SPN: variants seen among roughly 807,000 people sequenced by gnomAD.
SPN encodes the protein sialophorin.
In SPN, 6 loss-of-function variants were observed where a neutral mutation model predicts 8.4. The observed-to-expected ratio is 0.72, with a 90% confidence interval of 0.39 to 1.42. SPN has a LOEUF of 1.42. Among genes scored for constraint, SPN ranks in the 40% most tolerant of loss-of-function variants. The pLI is 0.02. For missense variants in SPN, 517 were observed against 530.6 expected, an observed-to-expected ratio of 0.97 and a Z score of 0.25; for synonymous variants, 201 against 222.6, an observed-to-expected ratio of 0.90 and a Z score of 0.86.
rs1027455041 is a variant in SPN, at chr16:29,664,522, T to C, written c.794T>C (p.Leu265Pro). The C allele has an allele frequency of 1.1e-5, 17 of 1,614,004 alleles. No individual in the cohort carries two copies. Among genetic ancestry groups the C allele is most frequent in the Admixed American group, 1.7e-5 (1 of 60,008 alleles). Residue 265 changes from leucine to proline, a missense_variant, in exon 2 of 2, where the codon CTG (leucine) becomes CCG (proline). Leu to Pro is a moderately conservative substitution (Grantham distance 98). Coordinates refer to ENST00000652691, the MANE Select transcript of SPN (RefSeq NM_003123.6). This position sits in a 1 kb window ranked among gnomAD's most constrained non-coding sequence, Gnocchi z 6.4. ...MLPVAVLVALLAVIVLVALLL... is the reference protein window; with the variant it reads ...MLPVAVLVALPAVIVLVALLL... ...CCAGTGGCTGTGCTTGTGGCCCTGC[T>C]GGCGGTCATAGTCCTCGTGGCTCTG...
rs1411992889 is a variant in SPN, at chr16:29,664,733, G to T, written c.1005G>T (p.Gly335=). 3 of 1,481,540 alleles carry T rather than the reference G, an allele frequency of 2.0e-6. No homozygotes were observed. Among genetic ancestry groups the T allele is most frequent in the Middle Eastern group, 1.8e-4 (1 of 5,562 alleles). The allele number at this position is 1,481,540 out of a possible 1,614,324, so 91.8% of individuals were successfully genotyped here. The stretch of plus-strand genomic sequence containing the variant: ...GCTCTGGGTTCCCCGATGGGGAGGG[G>T]TCTAGCCGTCGGCCCACGCTCACCA... The part of the protein sequence containing the change: ...DKGSGFPDGE[G]SSRRPTLTTF... The change falls in exon 2 of 2, where the codon GGG becomes GGT. Residue 335 remains glycine, a synonymous_variant. Transcript: ENST00000652691. The surrounding 1 kb of genome is among the most constrained non-coding windows in gnomAD (Gnocchi z 6.4).
rs1377501538 is a variant in SPN at position 29,665,743 on chromosome 16, G to A, written c.*812G>A. ...TTGCCCTGTAGCTGCAAGGGCTGTG[G>A]AACCTGGGCAGCCCGCAACCACCTT... On this transcript the variant is annotated 3_prime_UTR_variant, in exon 2 of 2. Transcript: ENST00000652691. 2 of 167,078 alleles carry A rather than the reference G, an allele frequency of 1.2e-5. No homozygotes were observed. Among genetic ancestry groups the A allele is most frequent in the East Asian group, 1.9e-4 (1 of 5,186 alleles). The allele number at this position is 167,078 out of a possible 1,614,324, so 10.3% of individuals were successfully genotyped here.
At position 29,663,678 on chromosome 16, in the gene SPN, C is replaced by T. The variant is rs141798539; in HGVS notation, c.-34-17C>T. On this transcript the variant is annotated splice_polypyrimidine_tract_variant and intron_variant, in intron 1 of 1. Coordinates refer to ENST00000652691, the MANE Select transcript of SPN (RefSeq NM_003123.6). The surrounding 1 kb of genome is among the most constrained non-coding windows in gnomAD (Gnocchi z 4.3). ...GCAACTCCCGCGTGTTCTGCTTCTC[C>T]GGCTGCCCACCTGCAGGTCCCAGCT... 3.1e-4 allele frequency: 464 copies of T among 1,516,760 alleles called. 4 individuals carry two copies. In the East Asian group the frequency reaches 8.9e-3, roughly 29 times the overall value. The allele number at this position is 1,516,760 out of a possible 1,614,324, so 94.0% of individuals were successfully genotyped here. A position where few individuals can be genotyped will look rare whatever the true frequency, so the allele number is the denominator to read the frequency against.
chr16:29,668,485 G>A lies in SPN; in HGVS notation c.*3554G>A, dbSNP rs1966840105. The A allele has an allele frequency of 6.6e-6, 1 of 152,204 alleles. No homozygotes were observed. Among genetic ancestry groups the A allele is most frequent in the Non-Finnish European group, 1.5e-5 (1 of 68,036 alleles). 9.4% of individuals were successfully genotyped at this position (152,204 alleles called of 1,614,324 possible). On this transcript the variant is annotated 3_prime_UTR_variant, in exon 2 of 2. Coordinates refer to ENST00000652691, the MANE Select transcript of SPN (RefSeq NM_003123.6). ...CCTCAGAGATTCTTTCTTTTGAGAT[G>A]AGGTCTCATTCTGTCACCCAGACTA...
rs969840035 is a variant in SPN at position 29,667,168 on chromosome 16, G to C, written c.*2237G>C. ...GGCACCCACTGGGCTGCATCTGGTG[G>C]CCTTTTCTGATTGCTATTTGGACTC... On this transcript the variant is annotated 3_prime_UTR_variant, in exon 2 of 2. Coordinates refer to ENST00000652691, the MANE Select transcript of SPN (RefSeq NM_003123.6). The C allele has an allele frequency of 5.2e-6, 2 of 385,530 alleles. No individual in the cohort carries two copies. Among genetic ancestry groups the C allele is most frequent in the Non-Finnish European group, 1.1e-5 (2 of 185,416 alleles). 23.9% of individuals were successfully genotyped at this position (385,530 alleles called of 1,614,324 possible). A position where few individuals can be genotyped will look rare whatever the true frequency, so the allele number is the denominator to read the frequency against.
Position 29,663,887 on chromosome 16 carries a change from T to G in SPN, c.159T>G (p.Pro53=). 6.2e-7 allele frequency: 1 copy of G among 1,614,084 alleles called. No individual in the cohort carries two copies. Among genetic ancestry groups the G allele is most frequent in the Non-Finnish European group, 8.5e-7 (1 of 1,180,002 alleles). Residue 53 remains proline (P), a synonymous_variant, in exon 2 of 2, where the codon CCT becomes CCG. Coordinates refer to ENST00000652691, the MANE Select transcript of SPN (RefSeq NM_003123.6). The surrounding 1 kb of genome is among the most constrained non-coding windows in gnomAD (Gnocchi z 4.3). ...KMYTTSITSD[P]KADSTGDQTS... ...ACACCACTTCAATAACAAGTGACCC[T>G]AAGGCCGACAGCACTGGGGACCAGA...
At position 29,667,315 on chromosome 16, in the gene SPN, G is replaced by A. The variant is rs1339997880; in HGVS notation, c.*2384G>A. ...AAAATACTGTCACCGAACGAACGTC[G>A]CTGTCCTCAGCTCCACCTCCCTTTC... On this transcript the variant is annotated 3_prime_UTR_variant, in exon 2 of 2. Transcript: ENST00000652691. 3.1e-5 allele frequency: 8 copies of A among 257,676 alleles called. No individual in the cohort carries two copies. The highest frequency in any genetic ancestry group is 4.7e-5 in the South Asian group (1 of 21,222). 16.0% of individuals were successfully genotyped at this position (257,676 alleles called of 1,614,324 possible).
Position 29,664,936 on chromosome 16 carries a change from C to A in SPN, c.*5C>A. The A allele has an allele frequency of 2.2e-6, 3 of 1,373,152 alleles. No individual in the cohort carries two copies. The highest frequency in any genetic ancestry group is 2.8e-6 in the Non-Finnish European group (3 of 1,058,088). 85.1% of individuals were successfully genotyped at this position (1,373,152 alleles called of 1,614,324 possible). A position where few individuals can be genotyped will look rare whatever the true frequency, so the allele number is the denominator to read the frequency against. ...GGAGACGGGGCTGCCCCTTAAGTGT[C>A]GGTGAATAGTGAGGCTGGAGGCCGG... is the stretch of plus-strand genomic sequence containing the variant. On this transcript the variant is annotated 3_prime_UTR_variant, in exon 2 of 2. Coordinates refer to ENST00000652691, the MANE Select transcript of SPN (RefSeq NM_003123.6). This position sits in a 1 kb window ranked among gnomAD's most constrained non-coding sequence, Gnocchi z 6.4.
At position 29,667,306 on chromosome 16, in the gene SPN, A is replaced by T. The variant is rs1356465255; in HGVS notation, c.*2375A>T. 1 of 265,268 alleles carries T rather than the reference A, an allele frequency of 3.8e-6. No homozygotes were observed. Among genetic ancestry groups the T allele is most frequent in the African/African-American group, 2.2e-5 (1 of 45,376 alleles). 16.4% of individuals were successfully genotyped at this position (265,268 alleles called of 1,614,324 possible). ...CAGGTTTAGAAAATACTGTCACCGA[A>T]CGAACGTCGCTGTCCTCAGCTCCAC... On this transcript the variant is annotated 3_prime_UTR_variant, in exon 2 of 2. Coordinates refer to ENST00000652691, the MANE Select transcript of SPN (RefSeq NM_003123.6).
In SPN at chr16:29,670,248, C is replaced by T. The variant is rs576842705; in HGVS notation, c.*5317C>T. ...GTGGCTCACACCTGTAATCCCAGCA[C>T]TTTGGGAGGCCGAGGCAGTCAGATC... On this transcript the variant is annotated 3_prime_UTR_variant, in exon 2 of 2. Transcript: ENST00000652691. 1.5e-4 allele frequency: 23 copies of T among 153,416 alleles called. No individual in the cohort carries two copies. The highest frequency in any genetic ancestry group is 2.9e-4 in the Non-Finnish European group (20 of 69,366). 9.5% of individuals were successfully genotyped at this position (153,416 alleles called of 1,614,324 possible).
rs1966781808 is a variant in SPN at position 29,664,573 on chromosome 16, A to AGCTTTCT, written c.847_848insTTTCTGC (p.Arg283LeufsTer17). 6.2e-7 allele frequency: 1 copy of AGCTTTCT among 1,612,668 alleles called. No individual in the cohort carries two copies. Among genetic ancestry groups the AGCTTTCT allele is most frequent in the African/African-American group, 1.3e-5 (1 of 74,896 alleles). On this transcript the variant is annotated frameshift_variant, in exon 2 of 2. Transcript: ENST00000652691. LOFTEE classifies it high-confidence loss of function. The surrounding 1 kb of genome is among the most constrained non-coding windows in gnomAD (Gnocchi z 6.4). Reference sequence around the variant, plus strand: ...CTCCTGCTGTGGCGCCGGCGGCAGAAGCGGCGGACTGGGGCCCTCGTGCTG... The same window carrying AGCTTTCT: ...CTCCTGCTGTGGCGCCGGCGGCAGAAGCTTTCTGCGGCGGACTGGGGCCCTCGTGCTG...
In SPN at chr16:29,664,200, C is replaced by T. The variant is rs956933319; in HGVS notation, c.472C>T (p.Leu158=). The T allele has an allele frequency of 4.3e-6, 7 of 1,613,846 alleles. No individual in the cohort carries two copies. The highest frequency in any genetic ancestry group is 5.9e-6 in the Non-Finnish European group (7 of 1,179,992). The stretch of plus-strand genomic sequence containing the variant: ...CCCTGTTACCACGGCAGCTAGCTCT[C>T]TGGAGACCTCCAGAGGCACCTCTGG... ...GAPVTTAASS[L]ETSRGTSGPP... The change falls in exon 2 of 2, where the codon CTG becomes TTG. Residue 158 remains leucine (L), a synonymous_variant. Coordinates refer to ENST00000652691, the MANE Select transcript of SPN (RefSeq NM_003123.6). The surrounding 1 kb of genome is among the most constrained non-coding windows in gnomAD (Gnocchi z 6.4).
rs902415623 is a variant in SPN, at chr16:29,668,845, A to T, written c.*3914A>T. On this transcript the variant is annotated 3_prime_UTR_variant, in exon 2 of 2. Transcript: ENST00000652691. The stretch of plus-strand genomic sequence containing the variant: ...GGATAGCAGGTGGAAATACATAATT[A>T]AAAAAAAAAAACGTGGAGCAGATCC... The T allele has an allele frequency of 1.3e-5, 2 of 151,028 alleles. No homozygotes were observed. The highest frequency in any genetic ancestry group is 2.5e-5 in the African/African-American group (1 of 39,560). 9.4% of individuals were successfully genotyped at this position (151,028 alleles called of 1,614,324 possible).
rs886796388 is a variant in SPN at position 29,668,963 on chromosome 16, C to T, written c.*4032C>T. On this transcript the variant is annotated 3_prime_UTR_variant, in exon 2 of 2. Coordinates refer to ENST00000652691, the MANE Select transcript of SPN (RefSeq NM_003123.6). The stretch of plus-strand genomic sequence containing the variant: ...AGGAGTTCAAGACCAGCCTGGGTAA[C>T]ATAGAAAGACCCTGTCTCTACAAAA... The T allele has an allele frequency of 6.0e-6, 1 of 166,222 alleles. No individual in the cohort carries two copies. The highest frequency in any genetic ancestry group is 2.4e-5 in the African/African-American group (1 of 41,262). 10.3% of individuals were successfully genotyped at this position (166,222 alleles called of 1,614,324 possible). A position where few individuals can be genotyped will look rare whatever the true frequency, so the allele number is the denominator to read the frequency against.
rs1056940128 is a variant in SPN, at chr16:29,666,226, G to A, written c.*1295G>A. The A allele has an allele frequency of 2.4e-5, 4 of 166,582 alleles. No individual in the cohort carries two copies. The highest frequency in any genetic ancestry group is 9.7e-5 in the African/African-American group (4 of 41,398). 10.3% of individuals were successfully genotyped at this position (166,582 alleles called of 1,614,324 possible). ...TCTGTAGCCCCATACAGAATGCCAG[G>A]GTGAGCACAGTGGCTGGTGCCTTTA... On this transcript the variant is annotated 3_prime_UTR_variant, in exon 2 of 2. Transcript: ENST00000652691.
At position 29,664,418 on chromosome 16, in the gene SPN, AATG is replaced by A; in HGVS notation, c.694_696del (p.Met232del). ...AGGTCTCTAGCGTAAAACTATCTACAATGATGTCTCCAACGACCTCCACCAACG... is the reference window on the plus strand; with the variant it reads ...AGGTCTCTAGCGTAAAACTATCTACAATGTCTCCAACGACCTCCACCAACG... On this transcript the variant is annotated inframe_deletion, in exon 2 of 2. Coordinates refer to ENST00000652691, the MANE Select transcript of SPN (RefSeq NM_003123.6). This position sits in a 1 kb window ranked among gnomAD's most constrained non-coding sequence, Gnocchi z 6.4. 6.2e-7 allele frequency: 1 copy of A among 1,614,074 alleles called. No individual in the cohort carries two copies. Among genetic ancestry groups the A allele is most frequent in the South Asian group, 1.1e-5 (1 of 91,078 alleles).
rs1386743007 is a variant in SPN, at chr16:29,664,320, A to G, written c.592A>G (p.Thr198Ala). The change falls in exon 2 of 2, where the codon ACT becomes GCT. Residue 198 changes from threonine to alanine, a missense_variant. Thr to Ala is a moderately conservative substitution (Grantham distance 58). Coordinates refer to ENST00000652691, the MANE Select transcript of SPN (RefSeq NM_003123.6). This position sits in a 1 kb window ranked among gnomAD's most constrained non-coding sequence, Gnocchi z 6.4. ...TMATDSLETS[T>A]GTTGPPVTMT... ...GGCAACTGACTCTCTGGAGACCTCC[A>G]CTGGGACCACTGGACCCCCTGTTAC... 2 of 1,613,318 alleles carry G rather than the reference A, an allele frequency of 1.2e-6. No homozygotes were observed. The highest frequency in any genetic ancestry group is 3.3e-5 in the Admixed American group (2 of 59,990).
Position 29,664,173 on chromosome 16 carries a change from G to C in SPN, c.445G>C (p.Ala149Pro). ...AGAAACCTCCAGTAGGACCAGTGGAGCCCCTGTTACCACGGCAGCTAGCTC... is the reference window on the plus strand; with the variant it reads ...AGAAACCTCCAGTAGGACCAGTGGACCCCCTGTTACCACGGCAGCTAGCTC... ...SPETSSRTSG[A>P]PVTTAASSLE... Residue 149 changes from alanine to proline, a missense_variant, in exon 2 of 2, where the codon GCC becomes CCC. By Grantham distance (27) the Ala-to-Pro change is conservative. Coordinates refer to ENST00000652691, the MANE Select transcript of SPN (RefSeq NM_003123.6). The surrounding 1 kb of genome is among the most constrained non-coding windows in gnomAD (Gnocchi z 6.4). 1.2e-6 allele frequency: 2 copies of C among 1,613,846 alleles called. No homozygotes were observed. The highest frequency in any genetic ancestry group is 2.2e-5 in the South Asian group (2 of 91,064).
rs1966817384 is a variant in SPN at position 29,666,552 on chromosome 16, A to ACGTGCGCG, written c.*1623_*1624insTGCGCGCG. On this transcript the variant is annotated 3_prime_UTR_variant, in exon 2 of 2. Coordinates refer to ENST00000652691, the MANE Select transcript of SPN (RefSeq NM_003123.6). Reference sequence around the variant, plus strand: ...CACACACACACACACACACACACACACGCGCGCGCGCGCGCGCTCTCCTGC... The same window carrying ACGTGCGCG: ...CACACACACACACACACACACACACACGTGCGCGCGCGCGCGCGCGCGCGCTCTCCTGC... 1 of 143,416 alleles carries ACGTGCGCG rather than the reference A, an allele frequency of 7.0e-6. No individual in the cohort carries two copies. The allele number at this position is 143,416 out of a possible 1,614,324, so 8.9% of individuals were successfully genotyped here. A position where few individuals can be genotyped will look rare whatever the true frequency, so the allele number is the denominator to read the frequency against.
Sources: gnomAD v4.1 joint callset for allele counts on GRCh38, gnomAD v4.1.1 for gene constraint, Gnocchi (gnomAD v3.1) non-coding constraint, MANE v1.5 for transcripts, NCBI Gene and HGNC (gene_info 2026-07-23, HGNC 2026-07-21) for gene names.